Variants in GLMN observed in about 807,000 individuals in gnomAD.
GLMN encodes glomulin.
A neutral mutation model predicts 87.8 loss-of-function variants in GLMN; 75 were observed. That is an observed-to-expected ratio of 0.85 (90% CI 0.71 to 1.04). The LOEUF (loss-of-function observed/expected upper bound fraction) is 1.04. Among genes scored for constraint, GLMN ranks in the 50% least tolerant of loss-of-function variants. The pLI is 0.00. For missense variants in GLMN, 588 were observed against 658.8 expected, an observed-to-expected ratio of 0.89 and a Z score of 1.18; for synonymous variants, 206 against 221.6, an observed-to-expected ratio of 0.93 and a Z score of 0.63.
At chr1:92,249,552 A>C (rs948916280) in intron 16 of GLMN, among the ~76,000 whole-genome samples, 2 of 152,108 alleles carry the variant, frequency 1.3e-5, no homozygotes, top group African/African-American at 4.8e-5. Flanking sequence ...TGTATTTGTT[A>C]CACGTATAAA....
the GLMN span, chr1:92,307,121 A>C: frequency 1.9e-6 from 2 of 1,041,284 alleles, no homozygotes; most frequent in Middle Eastern, 2.1e-4. Context: ...TATGTTTTAT[A>C]CTCTCAACTG....
At chr1:92,318,758 C>T in the GLMN span, among the ~76,000 whole-genome samples, 2 of 152,204 alleles carry the variant, frequency 1.3e-5, no homozygotes, top group African/African-American at 4.8e-5. Context: ...GATATCCTTT[C>T]ATATTGATTA....
chr1:92,268,028 C>T (rs767505575), intron 10 of GLMN, 26 bp from the exon 11 acceptor site: 3 of 1,417,644 alleles, frequency 2.1e-6, no homozygotes, highest in Non-Finnish European at 3.0e-6. Context: ...TATGCAGATA[C>T]ATATATAGTG....
intron 16 of GLMN, among the ~76,000 whole-genome samples, chr1:92,251,648 G>C (rs1423675425): frequency 6.6e-6 from 1 of 152,108 alleles, no homozygotes; most frequent in African/African-American, 2.4e-5. Context: ...ACAAGCCACA[G>C]ACTGGAATAT....
the GLMN span, among the ~76,000 whole-genome samples, chr1:92,353,780 G>A: frequency 6.1e-4 from 93 of 152,230 alleles, no homozygotes; most frequent in Non-Finnish European, 1.1e-3. Flanking sequence ...ATTGCTGAGA[G>A]TTTATGTAAG....
the GLMN span, among the ~76,000 whole-genome samples, chr1:92,331,229 C>G: frequency 3.9e-5 from 6 of 152,120 alleles, no homozygotes; most frequent in Non-Finnish European, 7.4e-5. Flanking sequence ...TCTTTACAGT[C>G]TACTTTGCTG....
At position 92,262,881 on chromosome 1, in the gene GLMN, A is replaced by T. The variant is rs761994232; in HGVS notation, c.1455T>A (p.Asp485Glu). 4.3e-6 allele frequency: 5 copies of T among 1,160,074 alleles called. No homozygotes were observed. In the East Asian group the frequency reaches 1.2e-4, roughly 28 times the overall value. 71.9% of individuals were successfully genotyped at this position (1,160,074 alleles called of 1,614,324 possible). ...LNLLRYLVIK[D>E]NENDNQTGLW... ...CACTTACTTGATTGTCATTTTCATTATCTTTGATAACCAAATACCTCAATA... is the reference window on the plus strand; with the variant it reads ...CACTTACTTGATTGTCATTTTCATTTTCTTTGATAACCAAATACCTCAATA... Residue 485 changes from aspartate to glutamate, a missense_variant, in exon 16 of 19, where the codon GAT becomes GAA. Coordinates refer to ENST00000370360, the MANE Select transcript of GLMN (RefSeq NM_053274.3).
At chr1:92,324,792 ATATT>A in the GLMN span, among the ~76,000 whole-genome samples, 1 of 152,144 alleles carries the variant, frequency 6.6e-6, no homozygotes, top group Non-Finnish European at 1.5e-5. Context: ...ACATTGGAAA[ATATT>A]TAGCAAGCAT....
At chr1:92,311,666 A>G in the GLMN span, among the ~76,000 whole-genome samples, 2 of 152,226 alleles carry the variant, frequency 1.3e-5, no homozygotes, top group African/African-American at 4.8e-5. Context: ...TGTGAAAGCC[A>G]GTAAGTACAG....
intron 11 of GLMN, among the ~76,000 whole-genome samples, chr1:92,267,683 G>C (rs557297354): frequency 1.4e-5 from 2 of 148,048 alleles, no homozygotes; most frequent in African/African-American, 2.5e-5. Flanking sequence ...CAACCTGGGC[G>C]ACACAGCAAG....
At chr1:92,307,709 GAC>G in the GLMN span, among the ~76,000 whole-genome samples, 9 of 140,328 alleles carry the variant, frequency 6.4e-5, no homozygotes, top group South Asian at 1.2e-3. Flanking sequence ...TCAATTTAAA[GAC>G]ACAATTAAAA....
intron 14 of GLMN, 98 bp downstream of exon 14, chr1:92,264,456 C>CT: frequency 1.5e-6 from 1 of 686,580 alleles, no homozygotes; most frequent in East Asian, 2.7e-5. Flanking sequence ...AATAGTAATA[C>CT]TAGAGATAGA....
chr1:92,299,017 C>A, upstream of GLMN: 1 of 943,992 alleles, frequency 1.1e-6, no homozygotes, highest in South Asian at 1.8e-5. Flanking sequence ...CGTAGGGAGG[C>A]GGGGCCTCGG....
chr1:92,324,639 A>G, the GLMN span, among the ~76,000 whole-genome samples: 1 of 152,190 alleles, frequency 6.6e-6, no homozygotes, highest in South Asian at 2.1e-4. Flanking sequence ...TGGTGGGACA[A>G]AGTTTTCCCT....
the GLMN span, among the ~76,000 whole-genome samples, chr1:92,358,445 T>C: frequency 1.3e-5 from 2 of 152,194 alleles, no homozygotes; most frequent in Non-Finnish European, 2.9e-5. Context: ...AGATAAAATA[T>C]CTCTATACAT....
At chr1:92,311,323 G>C in the GLMN span, among the ~76,000 whole-genome samples, 2 of 152,104 alleles carry the variant, frequency 1.3e-5, no homozygotes, top group African/African-American at 2.4e-5. Context: ...TGCTACTATA[G>C]AGAAAGTTTT....
At chr1:92,314,518 G>A in the GLMN span, among the ~76,000 whole-genome samples, 1 of 152,164 alleles carries the variant, frequency 6.6e-6, no homozygotes, top group African/African-American at 2.4e-5. Context: ...GGGAGGCCAA[G>A]GCCGGTGGAT....
chr1:92,271,985 T>C (rs1032808053), intron 7 of GLMN, among the ~76,000 whole-genome samples: 1 of 152,144 alleles, frequency 6.6e-6, no homozygotes, highest in African/African-American at 2.4e-5. Context: ...TCTGACTCTC[T>C]CCCTTGCTGG....
At chr1:92,334,956 C>G in the GLMN span, among the ~76,000 whole-genome samples, 1 of 152,114 alleles carries the variant, frequency 6.6e-6, no homozygotes, top group East Asian at 1.9e-4. Flanking sequence ...CCACTGCACT[C>G]CAGCCTGAGC....
Sources: gnomAD v4.1 joint callset for allele counts (sites outside exome capture counted in the v4.1 genomes callset) on GRCh38, gnomAD v4.1.1 for gene constraint, MANE v1.5 for transcripts, NCBI Gene and HGNC (gene_info 2026-07-23, HGNC 2026-07-21) for gene names.